The following ATP2A1 variants were observed in gnomAD, a reference collection of about 807,000 sequenced individuals.
The protein encoded by ATP2A1 is ATPase sarcoplasmic/endoplasmic reticulum Ca2+ transporting 1.
In ATP2A1, 83 loss-of-function variants were observed where a neutral mutation model predicts 109.5. That is an observed-to-expected ratio of 0.76 (90% confidence interval 0.63 to 0.91). ATP2A1 has a LOEUF of 0.91. Among genes scored for constraint, ATP2A1 ranks in the 40% least tolerant of loss-of-function variants. The probability of loss-of-function intolerance (pLI) is 0.00; values close to 1 mark genes in which losing one functional copy is unlikely to be tolerated. For synonymous variants in ATP2A1, 505 were observed against 537.6 expected (o/e 0.94, Z 0.84); for missense variants, 1,101 against 1,341.0 (o/e 0.82, Z 2.80).
At position 28,903,441 on chromosome 16, in the gene ATP2A1, G is replaced by A. The variant is rs753539984; in HGVS notation, c.2980+1G>A. ...TTCGTTGCTCGGAACTACCTAGAGG[G>A]TAAGGAGTGCCCTCTCTGTCCCAAG... On this transcript the variant is annotated splice_donor_variant, in intron 21 of 22. Transcript: ENST00000395503. LOFTEE classifies it high-confidence loss of function. This position sits in a 1 kb window ranked among gnomAD's most constrained non-coding sequence, Gnocchi z 5.6. 10 of 1,611,426 alleles carry A rather than the reference G, an allele frequency of 6.2e-6. No homozygotes were observed. Among genetic ancestry groups the A allele is most frequent in the Non-Finnish European group, 8.5e-6 (10 of 1,177,784 alleles).
intron 6 of ATP2A1, among the ~76,000 whole-genome samples, 155 bp downstream of exon 6, chr16:28,884,810 T>C (rs1459252193): frequency 6.6e-6 from 1 of 152,070 alleles, no homozygotes; most frequent in Non-Finnish European, 1.5e-5. Flanking sequence ...TAGCTGAGCA[T>C]GTTGTTGAGT....
chr16:28,903,427 G>A lies in ATP2A1; in HGVS notation c.2967G>A (p.Arg989=). ...ACGAAATCCTCAAGTTCGTTGCTCG[G>A]AACTACCTAGAGGGTAAGGAGTGCC... ...GLDEILKFVA[R]NYLEG The change falls in exon 21 of 23, where the codon CGG becomes CGA. Residue 989 remains arginine, a synonymous_variant. Transcript: ENST00000395503. This position sits in a 1 kb window ranked among gnomAD's most constrained non-coding sequence, Gnocchi z 5.6. 1.2e-6 allele frequency: 2 copies of A among 1,613,572 alleles called. No individual in the cohort carries two copies. Among genetic ancestry groups the A allele is most frequent in the Non-Finnish European group, 1.7e-6 (2 of 1,179,584 alleles).
chr16:28,889,050 C>A, intron 9 of ATP2A1, 97 bp downstream of exon 9: 1 of 1,531,044 alleles, frequency 6.5e-7, no homozygotes, highest in Non-Finnish European at 9.0e-7. Context: ...TCACTGCTGG[C>A]TTCTCATCTG....
intron 9 of ATP2A1, among the ~76,000 whole-genome samples, chr16:28,893,313 GGA>G (rs1206070785): frequency 6.6e-6 from 1 of 151,940 alleles, no homozygotes; most frequent in Non-Finnish European, 1.5e-5. Context: ...GGCTGAGGTG[GGA>G]GGATCACTTG....
At position 28,883,500 on chromosome 16, in the gene ATP2A1, G is replaced by T. The variant is rs192920411; in HGVS notation, c.463+911G>T. Among the ~76,000 whole-genome samples, 175 of 152,262 alleles carry T rather than the reference G, an allele frequency of 1.1e-3. No individual in the cohort carries two copies. Among genetic ancestry groups the T allele is most frequent in the African/African-American group, 3.9e-3 (162 of 41,550 alleles). The stretch of plus-strand genomic sequence containing the variant: ...CCTCCCTCCTCGGTCCATTTCCTCT[G>T]GCACAGGAGGGATCCTTAGAAACAG... On this transcript the variant is annotated intron_variant, in intron 5 of 22. Transcript: ENST00000395503. This position sits in a 1 kb window ranked among gnomAD's most constrained non-coding sequence, Gnocchi z 5.2.
Position 28,903,788 on chromosome 16 carries a change from C to T in ATP2A1, c.*37+47C>T. 1 of 1,548,116 alleles carries T rather than the reference C, an allele frequency of 6.5e-7. No homozygotes were observed. Among genetic ancestry groups the T allele is most frequent in the Admixed American group, 1.7e-5 (1 of 59,938 alleles). The stretch of plus-strand genomic sequence containing the variant: ...CAGCCCAGCTGCTGTGCCCCTGCCA[C>T]CCGCGCCCCCTCAGCCCCTTGCGCG... On this transcript the variant is annotated intron_variant, in intron 22 of 22. Transcript: ENST00000395503. This position sits in a 1 kb window ranked among gnomAD's most constrained non-coding sequence, Gnocchi z 5.6.
chr16:28,883,801 C>T lies in ATP2A1; in HGVS notation c.464-774C>T, dbSNP rs897728263. ...TGCCCAACCCCCGCTTCTCTCCTGT[C>T]CCATCCCATCCTGTCTTGTCCATGT... On this transcript the variant is annotated intron_variant, in intron 5 of 22. Coordinates refer to ENST00000395503, the MANE Select transcript of ATP2A1 (RefSeq NM_004320.6). The surrounding 1 kb of genome is among the most constrained non-coding windows in gnomAD (Gnocchi z 5.2). 6.6e-6 allele frequency among the ~76,000 whole-genome samples: 1 copy of T among 152,148 alleles called. No individual in the cohort carries two copies. Among genetic ancestry groups the T allele is most frequent in the Admixed American group, 6.5e-5 (1 of 15,270 alleles).
intron 3 of ATP2A1, chr16:28,879,855 C>G (rs1197889453): frequency 3.5e-6 from 2 of 569,188 alleles, no homozygotes; most frequent in Non-Finnish European, 5.4e-6. Flanking sequence ...TTGGAGAGCT[C>G]GGGTTACCCA....
intron 4 of ATP2A1, among the ~76,000 whole-genome samples, chr16:28,881,785 G>A (rs886898627): frequency 1.4e-5 from 2 of 146,534 alleles, no homozygotes; most frequent in African/African-American, 2.5e-5. Context: ...ATGGGCAACA[G>A]AGTGAGACCC....
chr16:28,900,336 T>C (rs1440171160), intron 14 of ATP2A1, among the ~76,000 whole-genome samples: 1 of 151,616 alleles, frequency 6.6e-6, no homozygotes, highest in East Asian at 1.9e-4. Context: ...ATCTGACCCA[T>C]GATGGGCCTG....
At chr16:28,887,116 AGAGAG>A in intron 6 of ATP2A1, 68 bp from the exon 7 acceptor site, 1 of 1,479,954 alleles carries the variant, frequency 6.8e-7, no homozygotes, top group Non-Finnish European at 9.4e-7. Context: ...CTGAGCAGGG[AGAGAG>A]TTAGGCACGG....
At chr16:28,884,867 G>T (rs1302184003) in intron 6 of ATP2A1, among the ~76,000 whole-genome samples, 4 of 152,188 alleles carry the variant, frequency 2.6e-5, no homozygotes, top group Non-Finnish European at 5.9e-5. Context: ...AGGATCGCCT[G>T]GGTACAGGAG....
intron 22 of ATP2A1, 92 bp from the exon 23 acceptor site, chr16:28,904,088 C>A: frequency 2.5e-6 from 3 of 1,202,460 alleles, no homozygotes; most frequent in Non-Finnish European, 2.5e-6. Flanking sequence ...AGCTTCTGAG[C>A]CTCCAGGTAA....
At chr16:28,895,650 ACCCGC>A (rs1963900038) in intron 12 of ATP2A1, among the ~76,000 whole-genome samples, 1 of 151,748 alleles carries the variant, frequency 6.6e-6, no homozygotes, top group African/African-American at 2.4e-5. Context: ...ACATAGTGAG[ACCCGC>A]ATCTCTACAA....
rs1279180754 is a variant in ATP2A1 at position 28,884,593 on chromosome 16, C to G, written c.482C>G (p.Ala161Gly). Residue 161 changes from alanine (A) to glycine (G), a missense_variant, in exon 6 of 23, where the codon GCA becomes GGA. Ala to Gly is a moderately conservative substitution (Grantham distance 60, BLOSUM62 0). Coordinates refer to ENST00000395503, the MANE Select transcript of ATP2A1 (RefSeq NM_004320.6). ...TCCACAGTGGGGGACAAAGTCCCTG[C>G]AGACATCCGAATCCTCGCCATCAAA... ...VEVAVGDKVP[A>G]DIRILAIKST... 5.6e-6 allele frequency: 9 copies of G among 1,613,746 alleles called. No homozygotes were observed. The highest frequency in any genetic ancestry group is 2.2e-5 in the East Asian group (1 of 44,876).
In ATP2A1 at chr16:28,882,559, A is replaced by T. The variant is rs1307339770; in HGVS notation, c.433A>T (p.Ile145Phe). The T allele has an allele frequency of 1.9e-6, 3 of 1,614,112 alleles. No individual in the cohort carries two copies. The highest frequency in any genetic ancestry group is 2.5e-6 in the Non-Finnish European group (3 of 1,180,014). ...AGTGCAAAGGATCAAGGCTCGGGAC[A>T]TCGTCCCTGGGGACATCGTGGAGGT... ...KSVQRIKARD[I>F]VPGDIVEVAV... The change falls in exon 5 of 23, where the codon ATC (isoleucine) becomes TTC (phenylalanine). Residue 145 changes from isoleucine (I) to phenylalanine (F), a missense_variant. Ile to Phe is a conservative substitution (Grantham distance 21, BLOSUM62 0). Transcript: ENST00000395503.
In ATP2A1 at chr16:28,898,724, T is replaced by C. The variant is rs1213969557; in HGVS notation, c.1764+273T>C. 1.3e-5 allele frequency among the ~76,000 whole-genome samples: 2 copies of C among 148,364 alleles called. No homozygotes were observed. Among genetic ancestry groups the C allele is most frequent in the Non-Finnish European group, 3.0e-5 (2 of 67,180 alleles). On this transcript the variant is annotated intron_variant, in intron 14 of 22. Coordinates refer to ENST00000395503, the MANE Select transcript of ATP2A1 (RefSeq NM_004320.6). This position sits in a 1 kb window ranked among gnomAD's most constrained non-coding sequence, Gnocchi z 4.0. ...TTCAAGACCAGCCTGGGCAATGAAG[T>C]GAGAACCCCATCTCTATTAAAAAAA...
intron 15 of ATP2A1, among the ~76,000 whole-genome samples, chr16:28,901,455 G>A (rs1354303127): frequency 6.6e-6 from 1 of 151,736 alleles, no homozygotes; most frequent in Non-Finnish European, 1.5e-5. Flanking sequence ...AACATGGCAA[G>A]ACCCCATCTC....
Position 28,894,571 on chromosome 16 carries a change from T to A in ATP2A1, c.1251T>A (p.Cys417Ter). 4.3e-6 allele frequency: 7 copies of A among 1,614,114 alleles called. No individual in the cohort carries two copies. The highest frequency in any genetic ancestry group is 5.1e-6 in the Non-Finnish European group (6 of 1,180,012). ...YDGLVELATI[C>*]ALCNDSSLDF... ...GGCTGGTGGAGCTGGCCACCATCTGTGCCCTCTGCAATGACTCCTCCTTGG... is the reference window on the plus strand; with the variant it reads ...GGCTGGTGGAGCTGGCCACCATCTGAGCCCTCTGCAATGACTCCTCCTTGG... The change falls in exon 11 of 23, where the codon TGT becomes TGA. Residue 417 changes from cysteine (C) to a stop codon, truncating the protein, a stop_gained. Transcript: ENST00000395503. LOFTEE classifies it high-confidence loss of function.
Sources: gnomAD v4.1 joint callset for allele counts (sites outside exome capture counted in the v4.1 genomes callset) on GRCh38, gnomAD v4.1.1 for gene constraint, Gnocchi (gnomAD v3.1) non-coding constraint, MANE v1.5 for transcripts, NCBI Gene and HGNC (gene_info 2026-07-23, HGNC 2026-07-21) for gene names.